PM20D2: variants seen among roughly 807,000 people sequenced by gnomAD.
PM20D2 encodes xaa-Arg dipeptidase.
A neutral mutation model predicts 42.9 loss-of-function variants in PM20D2; 33 were observed. The observed-to-expected ratio is 0.77, with a 90% CI of 0.58 to 1.03. PM20D2 has a LOEUF of 1.03. Ranked by LOEUF, PM20D2 falls within the 50% of genes least tolerant of loss-of-function variation. The probability of loss-of-function intolerance (pLI) is 0.00; values close to 1 mark genes in which losing one functional copy is unlikely to be tolerated. For missense variants in PM20D2, 548 were observed against 557.0 expected (o/e 0.98, Z 0.16); for synonymous variants, 250 against 228.2 (o/e 1.10, Z -0.86).
chr6:89,155,878 A>ATTTT (rs11371350), intron 4 of PM20D2, among the ~76,000 whole-genome samples: 1 of 143,298 alleles, frequency 7.0e-6, no homozygotes. Context: ...CACCTGGCTA[A>ATTTT]TTTTTTTTTT....
Position 89,164,942 on chromosome 6 carries a change from A to AG in PM20D2, c.*2680dup, listed in dbSNP as rs1771368316. 6.8e-6 allele frequency: 1 copy of AG among 147,912 alleles called. No individual in the cohort carries two copies. Among genetic ancestry groups the AG allele is most frequent in the South Asian group, 2.1e-4 (1 of 4,760 alleles). 9.2% of individuals were successfully genotyped at this position (147,912 alleles called of 1,614,324 possible). ...GCCTGTAAAAAAAAAAAAAAAAAAAAGAAAAGAAAAGACACTGTTGCATGC... is the reference window on the plus strand; with the variant it reads ...GCCTGTAAAAAAAAAAAAAAAAAAAAGGAAAAGAAAAGACACTGTTGCATGC... On this transcript the variant is annotated 3_prime_UTR_variant, in exon 7 of 7. Coordinates refer to ENST00000275072, the MANE Select transcript of PM20D2 (RefSeq NM_001010853.3).
chr6:89,162,183 A>G lies in PM20D2; in HGVS notation c.1231A>G (p.Lys411Glu). The G allele has an allele frequency of 2.5e-6, 4 of 1,614,082 alleles. No homozygotes were observed. The highest frequency in any genetic ancestry group is 3.4e-6 in the Non-Finnish European group (4 of 1,179,920). The part of the protein sequence containing the change: ...LAMTALDVIF[K>E]PELLEGIRED... ...AATGACGGCACTGGATGTTATTTTT[A>G]AACCAGAGTTACTGGAAGGAATCAG... Residue 411 changes from lysine (K) to glutamate (E), a missense_variant, in exon 7 of 7, where the codon AAA becomes GAA. Lys to Glu is a moderately conservative substitution (Grantham distance 56, BLOSUM62 1). Around this residue, in one of 3 missense-constraint regions of PM20D2, gnomAD observed 71 missense variants for 69.7 expected, o/e 1.02. Coordinates refer to ENST00000275072, the MANE Select transcript of PM20D2 (RefSeq NM_001010853.3).
At chr6:89,133,804 T>C in the PM20D2 span, among the ~76,000 whole-genome samples, 1 of 151,340 alleles carries the variant, frequency 6.6e-6, no homozygotes, top group Non-Finnish European at 1.5e-5. Context: ...ACACTGGGGA[T>C]AGCAGAACAG....
At chr6:89,124,840 A>G in the PM20D2 span, among the ~76,000 whole-genome samples, 5 of 147,958 alleles carry the variant, frequency 3.4e-5, no homozygotes, top group Admixed American at 7.1e-5. Context: ...GACTCAAGCA[A>G]TCCTCCCACT....
intron 3 of PM20D2, among the ~76,000 whole-genome samples, chr6:89,154,168 G>T (rs1479290188): frequency 6.6e-6 from 1 of 151,998 alleles, no homozygotes; most frequent in African/African-American, 2.4e-5. Context: ...ATAGGACATT[G>T]GATTTTTTGT....
chr6:89,138,771 G>C, the PM20D2 span, among the ~76,000 whole-genome samples: 1 of 152,066 alleles, frequency 6.6e-6, no homozygotes, highest in East Asian at 1.9e-4. Flanking sequence ...TGGCTGAGGT[G>C]GGAGAATTGC....
chr6:89,132,528 CA>C, the PM20D2 span, among the ~76,000 whole-genome samples: 1 of 151,318 alleles, frequency 6.6e-6, no homozygotes, highest in African/African-American at 2.5e-5. Flanking sequence ...TTTGAGTGAA[CA>C]AATTATTGGA....
At chr6:89,161,114 G>T (rs1347274225) in intron 5 of PM20D2, among the ~76,000 whole-genome samples, 1 of 152,204 alleles carries the variant, frequency 6.6e-6, no homozygotes, top group South Asian at 2.1e-4. Flanking sequence ...AGAGCGTTAG[G>T]ATTCTGAGAT....
Position 89,158,467 on chromosome 6 carries a change from A to T in PM20D2, c.1048+7A>T, listed in dbSNP as rs757340747. The T allele has an allele frequency of 1.3e-6, 2 of 1,581,284 alleles. No individual in the cohort carries two copies. Among genetic ancestry groups the T allele is most frequent in the Admixed American group, 1.9e-5 (1 of 53,488 alleles). ...ATGTTGAATGGCCCTTCAGGTAATT[A>T]AGTGTTTTTTTATATATTGAGCTAT... is the stretch of plus-strand genomic sequence containing the variant. On this transcript the variant is annotated splice_region_variant and intron_variant, in intron 5 of 6. Coordinates refer to ENST00000275072, the MANE Select transcript of PM20D2 (RefSeq NM_001010853.3).
chr6:89,102,730 CT>C, the PM20D2 span, among the ~76,000 whole-genome samples: 3 of 151,802 alleles, frequency 2.0e-5, no homozygotes, highest in Non-Finnish European at 2.9e-5. Flanking sequence ...TACAGAATAC[CT>C]TTTTTTACAT....
the PM20D2 span, among the ~76,000 whole-genome samples, chr6:89,132,486 C>T: frequency 6.6e-6 from 1 of 151,350 alleles, no homozygotes; most frequent in African/African-American, 2.5e-5. Flanking sequence ...ATCCTAAAAA[C>T]AGAAATGAAT....
the PM20D2 span, among the ~76,000 whole-genome samples, chr6:89,131,684 C>T: frequency 6.6e-6 from 1 of 152,120 alleles, no homozygotes; most frequent in African/African-American, 2.4e-5. Flanking sequence ...CTTGGTAGAA[C>T]TCTGTGGTGG....
the PM20D2 span, among the ~76,000 whole-genome samples, chr6:89,140,228 A>G: frequency 6.6e-6 from 1 of 152,128 alleles, no homozygotes; most frequent in Non-Finnish European, 1.5e-5. Flanking sequence ...GATTACAGGC[A>G]TGAAGCACCA....
chr6:89,140,834 G>T, the PM20D2 span, among the ~76,000 whole-genome samples: 7 of 152,318 alleles, frequency 4.6e-5, no homozygotes, highest in East Asian at 1.9e-4. Context: ...GGGCTTTAAA[G>T]TCACTGCCTT....
Position 89,164,461 on chromosome 6 carries a change from A to G in PM20D2, c.*2198A>G, listed in dbSNP as rs1457598675. ...AAAAACTGGGTGGCAGTTCACAAGGAAGATTGTTGTAACAGAAGAGTGACA... is the reference window on the plus strand; with the variant it reads ...AAAAACTGGGTGGCAGTTCACAAGGGAGATTGTTGTAACAGAAGAGTGACA... On this transcript the variant is annotated 3_prime_UTR_variant, in exon 7 of 7. Transcript: ENST00000275072. 2 of 152,596 alleles carry G rather than the reference A, an allele frequency of 1.3e-5. No individual in the cohort carries two copies. Among genetic ancestry groups the G allele is most frequent in the Non-Finnish European group, 2.9e-5 (2 of 68,022 alleles). The allele number at this position is 152,596 out of a possible 1,614,324, so 9.5% of individuals were successfully genotyped here. A position where few individuals can be genotyped will look rare whatever the true frequency, so the allele number is the denominator to read the frequency against.
upstream of PM20D2, chr6:89,146,026 T>G (rs1582327354): frequency 1.1e-6 from 1 of 889,228 alleles, no homozygotes; most frequent in African/African-American, 1.8e-5. Context: ...CTGGGAGCTG[T>G]GTGGCCGCGT....
the PM20D2 span, among the ~76,000 whole-genome samples, chr6:89,111,013 G>A: frequency 1.4e-4 from 22 of 152,008 alleles, no homozygotes; most frequent in African/African-American, 4.3e-4. Flanking sequence ...TTAGGAGGCT[G>A]AGGAAGAAGA....
At chr6:89,100,875 C>T in the PM20D2 span, among the ~76,000 whole-genome samples, 1 of 152,114 alleles carries the variant, frequency 6.6e-6, no homozygotes, top group East Asian at 1.9e-4. Context: ...GAGGCCAAGG[C>T]GAGTGGATCA....
At chr6:89,115,784 C>T in the PM20D2 span, among the ~76,000 whole-genome samples, 2 of 144,598 alleles carry the variant, frequency 1.4e-5, no homozygotes, top group Non-Finnish European at 3.0e-5. Context: ...CTACAGGCAC[C>T]CGCCACCACG....
Sources: allele counts gnomAD v4.1 joint callset (sites outside exome capture counted in the v4.1 genomes callset), GRCh38; gene constraint gnomAD v4.1.1; regional missense constraint gnomAD v4.1.1; transcripts MANE v1.5; gene names NCBI Gene and HGNC (gene_info 2026-07-23, HGNC 2026-07-21).